PARD3: variants seen among roughly 807,000 people sequenced by gnomAD.
The protein encoded by PARD3 is par-3 family cell polarity regulator, also known as partitioning defective 3 homolog.
Under a neutral mutation model 155.4 loss-of-function variants are expected in PARD3, and 75 were observed. The observed-to-expected ratio is 0.48, with a 90% CI of 0.40 to 0.58. The LOEUF is 0.58. Ranked by LOEUF, PARD3 falls within the 20% of genes least tolerant of loss-of-function variation. The pLI, the probability that PARD3 is intolerant of heterozygous loss-of-function variation, is 0.00. For missense variants in PARD3, 1,642 were observed against 1,721.7 expected (o/e 0.95, Z 0.82); for synonymous variants, 576 against 610.5 (o/e 0.94, Z 0.83).
chr10:34,752,524 A>C (rs1448372421), intron 1 of PARD3, among the ~76,000 whole-genome samples: 1 of 151,166 alleles, frequency 6.6e-6, no homozygotes, highest in Non-Finnish European at 1.5e-5. Context: ...AAAAGCTAAC[A>C]GTCTTGTGGG....
intron 22 of PARD3, among the ~76,000 whole-genome samples, chr10:34,254,733 A>G (rs1954565160): frequency 1.3e-5 from 2 of 152,092 alleles, no homozygotes; most frequent in Non-Finnish European, 2.9e-5. Flanking sequence ...GTGGTCTGCT[A>G]TGTGATACCA....
chr10:34,775,217 C>A (rs1275874787), intron 1 of PARD3, among the ~76,000 whole-genome samples: 2 of 152,136 alleles, frequency 1.3e-5, no homozygotes, highest in African/African-American at 4.8e-5. Flanking sequence ...CCAAGATTGA[C>A]CACCAAAAGG....
chr10:34,705,394 A>AT (rs2094347960), intron 1 of PARD3, among the ~76,000 whole-genome samples: 1 of 151,894 alleles, frequency 6.6e-6, no homozygotes, highest in Non-Finnish European at 1.5e-5. Context: ...AGGCTAAAGC[A>AT]GGAGGATCAC....
chr10:34,574,930 G>A (rs1287228740), intron 2 of PARD3, among the ~76,000 whole-genome samples: 3 of 152,118 alleles, frequency 2.0e-5, no homozygotes, highest in East Asian at 1.9e-4. Flanking sequence ...GTTTCCACAG[G>A]AGTCTTTATT....
chr10:34,309,548 C>CAAAAAAA (rs1173904388), intron 20 of PARD3, among the ~76,000 whole-genome samples: 81 of 64,028 alleles, frequency 1.3e-3, no homozygotes, highest in Admixed American at 2.6e-3. Flanking sequence ...ACCCTGTCTC[C>CAAAAAAA]AAAAAAAAAA....
chr10:34,667,492 C>T (rs2093515967), intron 2 of PARD3, among the ~76,000 whole-genome samples: 1 of 152,126 alleles, frequency 6.6e-6, no homozygotes, highest in Non-Finnish European at 1.5e-5. Context: ...GAATTTAAGG[C>T]TACAAAATTG....
chr10:34,173,800 C>A (rs980728743), intron 22 of PARD3, among the ~76,000 whole-genome samples: 1 of 152,138 alleles, frequency 6.6e-6, no homozygotes, highest in Non-Finnish European at 1.5e-5. Context: ...CCAGTCACTG[C>A]CCTAATTTTC....
Position 34,765,770 on chromosome 10 carries a change from G to A in PARD3, c.120+49106C>T, listed in dbSNP as rs539239216. ...ATTTCTCAGAGGAGAAGGAAGAAGA[G>A]ACCTTAATGGTAGTATTAAAGTGGC... On this transcript the variant is annotated intron_variant, in intron 1 of 24. Transcript: ENST00000374788. 3.9e-5 allele frequency among the ~76,000 whole-genome samples: 6 copies of A among 152,286 alleles called. No individual in the cohort carries two copies. The South Asian group carries it at 1.0e-3, about 26-fold the overall frequency.
chr10:34,198,069 T>G (rs1951033205), intron 22 of PARD3, among the ~76,000 whole-genome samples: 1 of 152,236 alleles, frequency 6.6e-6, no homozygotes, highest in African/African-American at 2.4e-5. Context: ...TGAAAAATGG[T>G]TTTCGGACCT....
intron 4 of PARD3, among the ~76,000 whole-genome samples, chr10:34,463,149 A>G (rs1485343835): frequency 8.2e-6 from 1 of 121,842 alleles, no homozygotes; most frequent in Non-Finnish European, 1.7e-5. Flanking sequence ...GAGAAGGGGA[A>G]GGGAAAGGGG....
intron 2 of PARD3, among the ~76,000 whole-genome samples, chr10:34,565,673 T>G (rs1315455596): frequency 6.6e-6 from 1 of 152,156 alleles, no homozygotes; most frequent in Non-Finnish European, 1.5e-5. Context: ...ACAGTGTGCC[T>G]CACACCATGG....
intron 2 of PARD3, among the ~76,000 whole-genome samples, chr10:34,679,442 G>A (rs2093770850): frequency 6.6e-6 from 1 of 152,132 alleles, no homozygotes; most frequent in Non-Finnish European, 1.5e-5. Flanking sequence ...ATAGACAGAG[G>A]GCTATAGGAT....
At chr10:34,715,502 T>C (rs2094506885) in intron 1 of PARD3, among the ~76,000 whole-genome samples, 1 of 152,202 alleles carries the variant, frequency 6.6e-6, no homozygotes, top group South Asian at 2.1e-4. Context: ...TGCTTGTCTA[T>C]ACCTCCTGGA....
intron 2 of PARD3, among the ~76,000 whole-genome samples, chr10:34,693,686 A>G (rs1272606024): frequency 6.6e-6 from 1 of 152,166 alleles, no homozygotes; most frequent in Admixed American, 6.5e-5. Flanking sequence ...AAACCTGCAC[A>G]TGTACCCCTG....
intron 1 of PARD3, among the ~76,000 whole-genome samples, chr10:34,757,300 T>C (rs1373223348): frequency 1.3e-5 from 2 of 152,254 alleles, no homozygotes; most frequent in African/African-American, 4.8e-5. Context: ...TCTAACACAG[T>C]ATCTGGTTAA....
intron 2 of PARD3, among the ~76,000 whole-genome samples, chr10:34,592,488 G>A (rs2088800168): frequency 6.6e-6 from 1 of 152,150 alleles, no homozygotes; most frequent in African/African-American, 2.4e-5. Context: ...ATCAAAAAGA[G>A]GACTGGGCTG....
At chr10:34,481,181 A>G (rs1471928002) in intron 3 of PARD3, among the ~76,000 whole-genome samples, 2 of 147,354 alleles carry the variant, frequency 1.4e-5, no homozygotes, top group Non-Finnish European at 3.0e-5. Context: ...TAATAAGCAT[A>G]GTATCCAACA....
At chr10:34,736,689 T>TACTG (rs2094922382) in intron 1 of PARD3, among the ~76,000 whole-genome samples, 1 of 148,316 alleles carries the variant, frequency 6.7e-6, no homozygotes, top group Non-Finnish European at 1.5e-5. Context: ...TTTATTTATT[T>TACTG]ACTGAGACAG....
rs1020232937 is a variant in PARD3 at position 34,496,872 on chromosome 10, G to GTACTATTTTTAACGTTTAAAAATAGTA, written c.403+20080_403+20106dup. Among the ~76,000 whole-genome samples the GTACTATTTTTAACGTTTAAAAATAGTA allele has an allele frequency of 4.0e-5, 6 of 150,074 alleles. No homozygotes were observed. The East Asian group carries it at 5.8e-4, about 15-fold the overall frequency. ...GCTTAAGTATTTTTGTTATTAAACA[G>GTACTATTTTTAACGTTTAAAAATAGTA]TACTATTTTTAACGTTTAAAAATAG... On this transcript the variant is annotated intron_variant, in intron 3 of 24. Coordinates refer to ENST00000374788, the MANE Select transcript of PARD3 (RefSeq NM_001184785.2).
Sources: allele counts gnomAD v4.1 joint callset (sites outside exome capture counted in the v4.1 genomes callset), GRCh38; gene constraint gnomAD v4.1.1; transcripts MANE v1.5; gene names NCBI Gene and HGNC (gene_info 2026-07-23, HGNC 2026-07-21).